The following TBC1D8 variants were observed in gnomAD, a reference collection of about 807,000 sequenced individuals.
The protein encoded by TBC1D8 is BUB2-like protein 1.
TBC1D8 carries 65 observed loss-of-function variants against 118.8 expected under a neutral mutation model. The observed-to-expected ratio is 0.55, with a 90% CI of 0.45 to 0.67. The LOEUF (loss-of-function observed/expected upper bound fraction) is 0.67. TBC1D8 is among the 30% of genes least tolerant of loss of function. The pLI, the probability that TBC1D8 is intolerant of heterozygous loss-of-function variation, is 0.00. For missense variants in TBC1D8, 1,376 were observed against 1,471.2 expected (o/e 0.94, Z 1.06); for synonymous variants, 566 against 595.8 (o/e 0.95, Z 0.73).
rs184449657 is a variant in TBC1D8 at position 101,047,172 on chromosome 2, G to A, written c.872+3229C>T. 1.7e-3 allele frequency among the ~76,000 whole-genome samples: 261 copies of A among 152,238 alleles called. 3 individuals carry two copies. The highest frequency in any genetic ancestry group is 2.7e-3 in the East Asian group (14 of 5,142). ...ATCCCTGGCCCAGGGCCTCCCCTGC[G>A]CCCTGTGAGGGCTGAGCCAGGTGAC... On this transcript the variant is annotated intron_variant, in intron 5 of 19. Coordinates refer to ENST00000409318, the MANE Select transcript of TBC1D8 (RefSeq NM_001330348.2).
rs76628793 is a variant in TBC1D8, at chr2:101,096,443, A to C, written c.128-6079T>G. On this transcript the variant is annotated intron_variant, in intron 1 of 19. Transcript: ENST00000409318. Reference sequence around the variant, plus strand: ...ACAAAAAAAAAAAAAAAAAAAAAAAAAAAACTATAATGCACGCTACAACAA... The same window carrying C: ...ACAAAAAAAAAAAAAAAAAAAAAAACAAAACTATAATGCACGCTACAACAA... Among the ~76,000 whole-genome samples, 238 of 131,516 alleles carry C rather than the reference A, an allele frequency of 1.8e-3. 3 individuals carry two copies. Among genetic ancestry groups the C allele is most frequent in the East Asian group, 9.7e-3 (38 of 3,916 alleles). 86.3% of individuals were successfully genotyped at this position (131,516 alleles called of 152,430 possible). A position where few individuals can be genotyped will look rare whatever the true frequency, so the allele number is the denominator to read the frequency against.
intron 2 of TBC1D8, among the ~76,000 whole-genome samples, chr2:101,073,840 T>C (rs1674635290): frequency 6.6e-6 from 1 of 152,198 alleles, no homozygotes; most frequent in African/African-American, 2.4e-5. Context: ...AAAGTGAGAG[T>C]CTTGCATGGA....
chr2:101,123,306 C>T (rs560719908), intron 1 of TBC1D8, among the ~76,000 whole-genome samples: 16 of 152,238 alleles, frequency 1.1e-4, no homozygotes, highest in African/African-American at 3.9e-4. Context: ...CTTGCTCCTT[C>T]CCAATGTGGA....
intron 1 of TBC1D8, among the ~76,000 whole-genome samples, chr2:101,114,788 G>A (rs1282484574): frequency 6.6e-6 from 1 of 152,242 alleles, no homozygotes; most frequent in Admixed American, 6.5e-5. Flanking sequence ...CTTCTCTTCT[G>A]TAGGGTCATT....
intron 17 of TBC1D8, among the ~76,000 whole-genome samples, chr2:101,012,688 A>G (rs1203710296): frequency 6.6e-6 from 1 of 152,190 alleles, no homozygotes; most frequent in Non-Finnish European, 1.5e-5. Context: ...TGCGTGAAAT[A>G]TATCTCAATA....
chr2:101,045,891 G>A (rs1027628130), intron 5 of TBC1D8, among the ~76,000 whole-genome samples: 1 of 152,140 alleles, frequency 6.6e-6, no homozygotes, highest in Non-Finnish European at 1.5e-5. Context: ...TACACAGGAG[G>A]CTGAGGCAGG....
At chr2:101,075,518 G>T (rs143059304) in intron 2 of TBC1D8, among the ~76,000 whole-genome samples, 1,595 of 152,284 alleles carry the variant, frequency 0.01, 12 homozygotes, top group South Asian at 0.016. Context: ...AGACCAGGTG[G>T]AGGTAATTGA....
Position 101,029,618 on chromosome 2 carries a change from C to A in TBC1D8, c.2095G>T (p.Val699Leu), listed in dbSNP as rs1361921720. The change falls in exon 12 of 20, where the codon GTG becomes TTG. Residue 699 changes from valine to leucine, a missense_variant. By Grantham distance (32) the Val-to-Leu change is conservative (BLOSUM62 1). Coordinates refer to ENST00000409318, the MANE Select transcript of TBC1D8 (RefSeq NM_001330348.2). ...SIMPLESAVN[V>L]VDCFFYDGIK... is the part of the protein sequence containing the mutation. ...CCATCATAGAAGAAGCAGTCTACCACATTCACCGCACTCTCTAGAGGCATG... is the reference window on the plus strand; with the variant it reads ...CCATCATAGAAGAAGCAGTCTACCAAATTCACCGCACTCTCTAGAGGCATG... 6.2e-7 allele frequency: 1 copy of A among 1,614,010 alleles called. No homozygotes were observed. Among genetic ancestry groups the A allele is most frequent in the South Asian group, 1.1e-5 (1 of 91,086 alleles).
intron 15 of TBC1D8, among the ~76,000 whole-genome samples, chr2:101,024,429 A>C (rs1680218475): frequency 7.5e-6 from 1 of 133,254 alleles, no homozygotes; most frequent in African/African-American, 2.9e-5. Flanking sequence ...TTTTTGAGAC[A>C]GAGTCTCACT....
chr2:101,045,959 C>G (rs1244702371), intron 5 of TBC1D8, among the ~76,000 whole-genome samples: 1 of 152,174 alleles, frequency 6.6e-6, no homozygotes, highest in Admixed American at 6.5e-5. Flanking sequence ...CGCCACCGCA[C>G]TCCAGCCTAG....
At chr2:101,084,911 C>A (rs1399817038) in intron 2 of TBC1D8, among the ~76,000 whole-genome samples, 1 of 148,412 alleles carries the variant, frequency 6.7e-6, no homozygotes, top group East Asian at 2.0e-4. Flanking sequence ...TCCAGTGGCT[C>A]GATCTCCGCT....
intron 2 of TBC1D8, among the ~76,000 whole-genome samples, chr2:101,072,542 C>A (rs897822631): frequency 3.9e-5 from 6 of 152,120 alleles, no homozygotes; most frequent in Non-Finnish European, 8.8e-5. Flanking sequence ...TTGTGGGAGA[C>A]AATTTTTCCA....
intron 1 of TBC1D8, among the ~76,000 whole-genome samples, chr2:101,094,511 TG>T (rs1676263058): frequency 6.6e-6 from 1 of 152,184 alleles, no homozygotes; most frequent in Admixed American, 6.5e-5. Context: ...AGAGATCTGC[TG>T]TAGAACTCAT....
intron 6 of TBC1D8, among the ~76,000 whole-genome samples, chr2:101,039,903 C>G (rs1165984538): frequency 6.6e-6 from 1 of 151,724 alleles, no homozygotes; most frequent in African/African-American, 2.4e-5. Flanking sequence ...ACAGCTTTAT[C>G]AATAATGTGG....
At chr2:101,017,989 A>G (rs973688638) in intron 17 of TBC1D8, 13 of 1,484,488 alleles carry the variant, frequency 8.8e-6, no homozygotes, top group African/African-American at 1.4e-5. Flanking sequence ...AACGGTTCCA[A>G]TGCTCGCAAT....
chr2:101,064,266 G>C (rs1682907934), intron 2 of TBC1D8, among the ~76,000 whole-genome samples: 1 of 152,150 alleles, frequency 6.6e-6, no homozygotes, highest in Admixed American at 6.5e-5. Context: ...TGGAGAAAAG[G>C]CCATGTGAGG....
In TBC1D8 at chr2:101,126,913, C is replaced by A. The variant is rs539708370; in HGVS notation, c.127+24214G>T. ...TCTATTTCTGAGCAATCAAAAATCA[C>A]ATCCAGTGCCCCTTCCACCTTCTCA... On this transcript the variant is annotated intron_variant, in intron 1 of 19. Coordinates refer to ENST00000409318, the MANE Select transcript of TBC1D8 (RefSeq NM_001330348.2). Among the ~76,000 whole-genome samples, 3 of 152,340 alleles carry A rather than the reference C, an allele frequency of 2.0e-5. No homozygotes were observed. The East Asian group carries it at 5.8e-4, about 29-fold the overall frequency.
At chr2:101,110,476 T>G (rs1456364361) in intron 1 of TBC1D8, among the ~76,000 whole-genome samples, 3 of 152,132 alleles carry the variant, frequency 2.0e-5, no homozygotes, top group African/African-American at 7.2e-5. Flanking sequence ...GAAGTACATC[T>G]GAGCAGCTCA....
chr2:101,032,134 A>G (rs146606275), intron 11 of TBC1D8, 134 bp downstream of exon 11: 76 of 778,484 alleles, frequency 9.8e-5, no homozygotes, highest in Non-Finnish European at 1.6e-4. Context: ...CAAATTCAGG[A>G]GTCAAACTGT....
Sources: gnomAD v4.1 joint callset for allele counts (sites outside exome capture counted in the v4.1 genomes callset) on GRCh38, gnomAD v4.1.1 for gene constraint, MANE v1.5 for transcripts, NCBI Gene and HGNC (gene_info 2026-07-23, HGNC 2026-07-21) for gene names.